The following STXBP3 variants were observed in gnomAD, a reference collection of about 807,000 sequenced individuals.
The protein encoded by STXBP3 is syntaxin-binding protein 3.
A neutral mutation model predicts 85.7 loss-of-function variants in STXBP3; 41 were observed. The ratio of observed to expected loss-of-function variants is 0.48; its 90% CI spans 0.37 to 0.62. STXBP3 has a LOEUF of 0.62. Among genes scored for constraint, STXBP3 ranks in the 20% least tolerant of loss-of-function variants. The pLI is 0.00. For missense variants in STXBP3, 563 were observed against 703.1 expected (o/e 0.80, Z 2.25); for synonymous variants, 229 against 231.7 (o/e 0.99, Z 0.10).
At chr1:108,747,555 A>G (rs565032708) in intron 1 of STXBP3, among the ~76,000 whole-genome samples, 4 of 152,344 alleles carry the variant, frequency 2.6e-5, no homozygotes, top group Non-Finnish European at 5.9e-5. Flanking sequence ...GGTTAGAGAA[A>G]GAATGAAACC....
chr1:108,773,689 C>T (rs1662521409), intron 7 of STXBP3, among the ~76,000 whole-genome samples: 2 of 152,026 alleles, frequency 1.3e-5, no homozygotes, highest in South Asian at 2.1e-4. Context: ...CACACTCACT[C>T]GACTGGGACA....
chr1:108,769,093 A>G (rs1212453036), intron 6 of STXBP3, among the ~76,000 whole-genome samples: 1 of 71,418 alleles, frequency 1.4e-5, no homozygotes, highest in African/African-American at 5.4e-5. Flanking sequence ...AGAATAACAC[A>G]TATTTTAATA....
intron 14 of STXBP3, 78 bp downstream of exon 14, chr1:108,796,450 C>A: frequency 8.1e-7 from 1 of 1,232,826 alleles, no homozygotes; most frequent in South Asian, 1.5e-5. Flanking sequence ...AAGATAGTTG[C>A]TGAACTTGGT....
At chr1:108,760,960 A>G (rs928971189) in intron 6 of STXBP3, among the ~76,000 whole-genome samples, 6 of 151,930 alleles carry the variant, frequency 3.9e-5, no homozygotes, top group Admixed American at 6.6e-5. Context: ...CTGGAGTGCA[A>G]TGGCGCAATC....
At chr1:108,770,000 A>G (rs1184264716) in intron 6 of STXBP3, among the ~76,000 whole-genome samples, 1 of 152,162 alleles carries the variant, frequency 6.6e-6, no homozygotes, top group Non-Finnish European at 1.5e-5. Flanking sequence ...TCTTCTACAT[A>G]CATTCCAGGC....
rs536686864 is a variant in STXBP3, at chr1:108,755,839, T to C, written c.182-851T>C. Among the ~76,000 whole-genome samples, 3 of 152,306 alleles carry C rather than the reference T, an allele frequency of 2.0e-5. No homozygotes were observed. In the East Asian group the frequency reaches 5.8e-4, roughly 29 times the overall value. On this transcript the variant is annotated intron_variant, in intron 3 of 18. Coordinates refer to ENST00000370008, the MANE Select transcript of STXBP3 (RefSeq NM_007269.4). The stretch of plus-strand genomic sequence containing the variant: ...ATTTTTCCTTGGAAATATTATTTGA[T>C]TGTCTAGTAGTAGTTATGATAAACC...
chr1:108,781,258 G>A (rs915545748), intron 9 of STXBP3: 2 of 152,180 alleles, frequency 1.3e-5, no homozygotes, highest in African/African-American at 4.8e-5. Flanking sequence ...ATAGATTGAT[G>A]TGTAATTTGT....
intron 6 of STXBP3, among the ~76,000 whole-genome samples, chr1:108,762,194 T>C (rs1453561450): frequency 3.3e-5 from 5 of 152,234 alleles, no homozygotes; most frequent in Non-Finnish European, 5.9e-5. Flanking sequence ...GAGCAAGATA[T>C]ATGTCCTACC....
intron 11 of STXBP3, among the ~76,000 whole-genome samples, chr1:108,787,874 CA>C (rs753258209): frequency 2.0e-5 from 3 of 152,018 alleles, no homozygotes; most frequent in East Asian, 1.9e-4. Context: ...ACTGCAGCCT[CA>C]ACCTCTTGGG....
At chr1:108,784,689 A>G (rs1042887218) in intron 11 of STXBP3, among the ~76,000 whole-genome samples, 3 of 151,512 alleles carry the variant, frequency 2.0e-5, no homozygotes, top group African/African-American at 7.3e-5. Flanking sequence ...CCAAAAGTCC[A>G]AGTCCAGAGT....
intron 11 of STXBP3, among the ~76,000 whole-genome samples, chr1:108,788,649 T>A (rs766328728): frequency 6.6e-6 from 1 of 152,240 alleles, no homozygotes; most frequent in African/African-American, 2.4e-5. Flanking sequence ...AGGGAATTTG[T>A]CTATTATATC....
rs1297507327 is a variant in STXBP3 at position 108,746,876 on chromosome 1, TGAG to T, written c.49+94_49+96del. Reference sequence around the variant, plus strand: ...TTGCAGCCCCAACCCAGCGGTCTGTTGAGGAGCCGCCGCGAGCACTTGTTGCTT... The same window carrying T: ...TTGCAGCCCCAACCCAGCGGTCTGTTGAGCCGCCGCGAGCACTTGTTGCTT... On this transcript the variant is annotated intron_variant, in intron 1 of 18. Coordinates refer to ENST00000370008, the MANE Select transcript of STXBP3 (RefSeq NM_007269.4). The T allele has an allele frequency of 1.2e-5, 16 of 1,317,572 alleles. 1 individual carries two copies. Among genetic ancestry groups the T allele is most frequent in the South Asian group, 6.3e-5 (5 of 78,766 alleles). 81.6% of individuals were successfully genotyped at this position (1,317,572 alleles called of 1,614,324 possible). A position where few individuals can be genotyped will look rare whatever the true frequency, so the allele number is the denominator to read the frequency against.
intron 6 of STXBP3, among the ~76,000 whole-genome samples, chr1:108,769,591 G>T (rs1662339360): frequency 6.6e-6 from 1 of 152,098 alleles, no homozygotes; most frequent in Non-Finnish European, 1.5e-5. Context: ...TTAAGGAGCT[G>T]ATTATAGGTT....
At chr1:108,781,283 C>T (rs962666218) in intron 9 of STXBP3, 4 of 152,070 alleles carry the variant, frequency 2.6e-5, no homozygotes, top group Non-Finnish European at 5.9e-5. Context: ...GTTATAGAAA[C>T]GATTATATTC....
At chr1:108,751,829 T>C (rs1661912450) in intron 1 of STXBP3, among the ~76,000 whole-genome samples, 1 of 152,144 alleles carries the variant, frequency 6.6e-6, no homozygotes. Flanking sequence ...TTGAAAAGCA[T>C]AATGTAGTAA....
chr1:108,781,310 A>C (rs986581611), intron 9 of STXBP3: 1 of 152,200 alleles, frequency 6.6e-6, no homozygotes, highest in African/African-American at 2.4e-5. Flanking sequence ...CAAAGTCTAT[A>C]TGTATTATTT....
At chr1:108,749,179 G>C (rs1661854428) in intron 1 of STXBP3, among the ~76,000 whole-genome samples, 1 of 152,088 alleles carries the variant, frequency 6.6e-6, no homozygotes, top group African/African-American at 2.4e-5. Context: ...TAGCTACCAG[G>C]GAGAACAATC....
chr1:108,807,403 C>T lies in STXBP3; in HGVS notation c.1538C>T (p.Ala513Val). The part of the protein sequence containing the change: ...AVWNGSGAVS[A>V]RQKPRANYLE... ...TTTTTTTTTAAATTACTTTTTAGTG[C>T]TCGCCAGAAACCCAGAGCTAATTAT... The change falls in exon 18 of 19, where the codon GCT becomes GTT. Residue 513 changes from alanine (A) to valine (V), a missense_variant and splice_region_variant. Transcript: ENST00000370008. 6.3e-7 allele frequency: 1 copy of T among 1,596,916 alleles called. No homozygotes were observed.
Position 108,800,256 on chromosome 1 carries a change from C to A in STXBP3, c.1486C>A (p.Pro496Thr). 1.9e-6 allele frequency: 3 copies of A among 1,612,254 alleles called. No homozygotes were observed. Among genetic ancestry groups the A allele is most frequent in the Non-Finnish European group, 2.5e-6 (3 of 1,178,544 alleles). The change falls in exon 17 of 19, where the codon CCA becomes ACA. Residue 496 changes from proline to threonine, a missense_variant. Physicochemically the swap from Pro to Thr is conservative, Grantham distance 38 (BLOSUM62 -1). This residue lies in a region of STXBP3 where 494 missense variants were observed against 592.8 expected (regional missense o/e 0.83). Transcript: ENST00000370008. Reference protein sequence around the residue: ...IDNRLDSKEWPYCSQCPAVWN... With the variant: ...IDNRLDSKEWTYCSQCPAVWN... The stretch of plus-strand genomic sequence containing the variant: ...TAATAGATTAGATTCAAAAGAATGG[C>A]CATATTGTTCCCAGTGTCCAGCAGT...
Sources: allele counts gnomAD v4.1 joint callset (sites outside exome capture counted in the v4.1 genomes callset), GRCh38; gene constraint gnomAD v4.1.1; regional missense constraint gnomAD v4.1.1; transcripts MANE v1.5; gene names NCBI Gene and HGNC (gene_info 2026-07-23, HGNC 2026-07-21).